TMCC3: variants seen among roughly 807,000 people sequenced by gnomAD.
TMCC3 encodes transmembrane and coiled-coil domain family 3.
Under a neutral mutation model 40.2 loss-of-function variants are expected in TMCC3, and 28 were observed. The ratio of observed to expected loss-of-function variants is 0.70; its 90% CI spans 0.52 to 0.95. TMCC3 has a LOEUF of 0.95. Ranked by LOEUF, TMCC3 falls within the 40% of genes least tolerant of loss-of-function variation. The pLI, the probability that TMCC3 is intolerant of heterozygous loss-of-function variation, is 0.00. For missense variants in TMCC3, 554 were observed against 615.2 expected (o/e 0.90, Z 1.05); for synonymous variants, 255 against 248.5 (o/e 1.03, Z -0.25).
intron 3 of TMCC3, among the ~76,000 whole-genome samples, 187 bp from the exon 4 acceptor site, chr12:94,571,924 CTGT>C (rs1289687839): frequency 3.9e-5 from 6 of 152,204 alleles, no homozygotes; most frequent in African/African-American, 1.4e-4. Flanking sequence ...TCATTTTCTC[CTGT>C]TGTTCACGAG....
At position 94,567,970 on chromosome 12, in the gene TMCC3, G is replaced by A. The variant is rs970841774; in HGVS notation, c.*3465C>T. 1 of 152,146 alleles carries A rather than the reference G, an allele frequency of 6.6e-6. No homozygotes were observed. Among genetic ancestry groups the A allele is most frequent in the Non-Finnish European group, 1.5e-5 (1 of 68,026 alleles). The allele number at this position is 152,146 out of a possible 1,614,324, so 9.4% of individuals were successfully genotyped here. A position where few individuals can be genotyped will look rare whatever the true frequency, so the allele number is the denominator to read the frequency against. Reference sequence around the variant, plus strand: ...CCATAATTAAACCTGATATGCTAGAGAAATGGCAAGGCAATAAACACAGAG... The same window carrying A: ...CCATAATTAAACCTGATATGCTAGAAAAATGGCAAGGCAATAAACACAGAG... On this transcript the variant is annotated 3_prime_UTR_variant, in exon 4 of 4. Coordinates refer to ENST00000261226, the MANE Select transcript of TMCC3 (RefSeq NM_020698.4).
intron 1 of TMCC3, among the ~76,000 whole-genome samples, chr12:94,605,908 A>G (rs796333518): frequency 8.5e-5 from 13 of 152,356 alleles, no homozygotes; most frequent in African/African-American, 3.1e-4. Flanking sequence ...TCCTGAATGC[A>G]GGAAAGTACC....
chr12:94,598,385 G>A (rs2068730997), intron 1 of TMCC3, among the ~76,000 whole-genome samples: 1 of 147,132 alleles, frequency 6.8e-6, no homozygotes, highest in Non-Finnish European at 1.5e-5. Context: ...CATTAAATAT[G>A]CAAATGTGAA....
At chr12:94,589,579 T>C (rs2068659579) in intron 1 of TMCC3, among the ~76,000 whole-genome samples, 1 of 149,912 alleles carries the variant, frequency 6.7e-6, no homozygotes, top group Non-Finnish European at 1.5e-5. Context: ...TAGGTTCTAC[T>C]ATTATTACTA....
intron 1 of TMCC3, among the ~76,000 whole-genome samples, chr12:94,641,061 A>T (rs925267478): frequency 6.6e-6 from 1 of 152,072 alleles, no homozygotes; most frequent in African/African-American, 2.4e-5. Flanking sequence ...TTATCTGGAC[A>T]TGATGGTATG....
intron 1 of TMCC3, among the ~76,000 whole-genome samples, chr12:94,592,395 T>C (rs1566319971): frequency 6.6e-6 from 1 of 151,698 alleles, no homozygotes; most frequent in African/African-American, 2.4e-5. Flanking sequence ...ATCTAAGTAC[T>C]TTGGGAGGCT....
At chr12:94,614,241 T>C (rs1033837240) in intron 1 of TMCC3, among the ~76,000 whole-genome samples, 1 of 152,170 alleles carries the variant, frequency 6.6e-6, no homozygotes, top group Non-Finnish European at 1.5e-5. Flanking sequence ...TGGGTAATAA[T>C]GTTAAAATCT....
intron 1 of TMCC3, among the ~76,000 whole-genome samples, chr12:94,612,149 C>T (rs1566328016): frequency 6.6e-6 from 1 of 152,106 alleles, no homozygotes; most frequent in Non-Finnish European, 1.5e-5. Context: ...CAGGTGCACA[C>T]CATCATGCTC....
At chr12:94,606,459 C>A (rs1218866905) in intron 1 of TMCC3, among the ~76,000 whole-genome samples, 3 of 151,608 alleles carry the variant, frequency 2.0e-5, no homozygotes, top group Non-Finnish European at 4.4e-5. Context: ...CTCTGCCTCC[C>A]AGGTTCAAGT....
intron 1 of TMCC3, among the ~76,000 whole-genome samples, chr12:94,595,998 G>A (rs1455403590): frequency 6.6e-6 from 1 of 152,104 alleles, no homozygotes; most frequent in Non-Finnish European, 1.5e-5. Context: ...GATTTCCTTG[G>A]GTTGAATAAA....
intron 1 of TMCC3, among the ~76,000 whole-genome samples, chr12:94,629,190 C>G (rs948060122): frequency 3.9e-5 from 6 of 152,162 alleles, no homozygotes; most frequent in African/African-American, 9.7e-5. Flanking sequence ...TGAACCGAAG[C>G]CTTGAAAATT....
At chr12:94,607,728 G>A (rs1297670959) in intron 1 of TMCC3, among the ~76,000 whole-genome samples, 6 of 152,152 alleles carry the variant, frequency 3.9e-5, no homozygotes, top group Non-Finnish European at 7.3e-5. Flanking sequence ...AACTTAATTA[G>A]ATGCCAAGGA....
Position 94,582,180 on chromosome 12 carries a change from T to A in TMCC3, c.437A>T (p.Asn146Ile), listed in dbSNP as rs1421830601. The A allele has an allele frequency of 6.2e-7, 1 of 1,614,166 alleles. No homozygotes were observed. The highest frequency in any genetic ancestry group is 8.5e-7 in the Non-Finnish European group (1 of 1,180,022). ...GTCCTTTGAGCTCCTAGAGGCTCCA[T>A]TCTGCTCGATCTCTCTGAGCTTTCG... ...YHRKLREIEQ[N>I]GASRSSKDIS... Residue 146 changes from asparagine (N) to isoleucine (I), a missense_variant, in exon 2 of 4, where the codon AAT becomes ATT. Transcript: ENST00000261226.
intron 3 of TMCC3, 54 bp from the exon 4 acceptor site, chr12:94,571,791 C>A: frequency 6.4e-7 from 1 of 1,572,378 alleles, no homozygotes; most frequent in Non-Finnish European, 8.7e-7. Flanking sequence ...GTGAGCAACA[C>A]GTGAGTGCTC....
intron 1 of TMCC3, among the ~76,000 whole-genome samples, chr12:94,614,788 CAG>C (rs902604344): frequency 3.5e-5 from 5 of 142,138 alleles, no homozygotes; most frequent in Admixed American, 2.2e-4. Flanking sequence ...TGGTTTGAGA[CAG>C]AGTCTCACTC....
intron 1 of TMCC3, among the ~76,000 whole-genome samples, chr12:94,586,026 T>C (rs1471216627): frequency 6.6e-6 from 1 of 152,182 alleles, no homozygotes; most frequent in African/African-American, 2.4e-5. Context: ...CACCTTTCCA[T>C]TGAGCCAAAA....
At chr12:94,646,752 T>TA (rs1566339743) in intron 1 of TMCC3, among the ~76,000 whole-genome samples, 5 of 105,736 alleles carry the variant, frequency 4.7e-5, no homozygotes, top group African/African-American at 1.1e-4. Flanking sequence ...TTTTTTTTTT[T>TA]TAAAAAACAA....
intron 1 of TMCC3, chr12:94,598,483 A>G: frequency 1.6e-6 from 1 of 623,372 alleles, no homozygotes; most frequent in East Asian, 1.4e-4. Flanking sequence ...GATGTTCTCA[A>G]TTTGGCATTC....
chr12:94,641,269 C>T (rs992350403), intron 1 of TMCC3, among the ~76,000 whole-genome samples: 5 of 152,010 alleles, frequency 3.3e-5, no homozygotes, highest in African/African-American at 1.2e-4. Context: ...GAGGGAGCAG[C>T]TCAGGCATCT....
Sources: allele counts gnomAD v4.1 joint callset (sites outside exome capture counted in the v4.1 genomes callset), GRCh38; gene constraint gnomAD v4.1.1; transcripts MANE v1.5; gene names NCBI Gene and HGNC (gene_info 2026-07-23, HGNC 2026-07-21).